Variants in LRP1B observed in about 807,000 individuals in gnomAD.
The protein encoded by LRP1B is LDL receptor related protein 1B, also known as low-density lipoprotein receptor-related protein 1B.
Under a neutral mutation model 556.6 loss-of-function variants are expected in LRP1B, and 217 were observed. The observed-to-expected ratio is 0.39, with a 90% CI of 0.35 to 0.44. The LOEUF (loss-of-function observed/expected upper bound fraction) is 0.44, where lower values mean the gene tolerates loss of function less well. Ranked by LOEUF, LRP1B falls within the 20% of genes least tolerant of loss-of-function variation. LRP1B has a pLI of 1.00. For missense variants in LRP1B, 5,053 were observed against 5,620.8 expected, an observed-to-expected ratio of 0.90 and a Z score of 3.23; for synonymous variants, 2,047 against 1,865.8, an observed-to-expected ratio of 1.10 and a Z score of -2.50.
In LRP1B at chr2:142,103,804, G is replaced by A. The variant is rs531035520; in HGVS notation, c.82+26844C>T. 3.3e-5 allele frequency among the ~76,000 whole-genome samples: 5 copies of A among 151,676 alleles called. No homozygotes were observed. The South Asian group carries it at 6.2e-4, about 19-fold the overall frequency. On this transcript the variant is annotated intron_variant, in intron 1 of 90. Transcript: ENST00000389484. ...AATAAGGACAATATGCTAAATAAAT[G>A]GCATTTCTGACCTCATACTATTGGC... is the stretch of plus-strand genomic sequence containing the variant.
At chr2:141,243,956 G>C (rs1289677297) in intron 5 of LRP1B, among the ~76,000 whole-genome samples, 1 of 152,082 alleles carries the variant, frequency 6.6e-6, no homozygotes, top group Non-Finnish European at 1.5e-5. Context: ...TTTTACTCGG[G>C]TTCAGGTATT....
At chr2:140,838,627 G>C (rs765472180) in intron 31 of LRP1B, among the ~76,000 whole-genome samples, 2 of 151,986 alleles carry the variant, frequency 1.3e-5, no homozygotes, top group Non-Finnish European at 2.9e-5. Flanking sequence ...CAAGCTTCAT[G>C]ATATATTGAT....
chr2:140,835,092 G>T (rs1319134209), intron 31 of LRP1B, among the ~76,000 whole-genome samples: 2 of 152,118 alleles, frequency 1.3e-5, no homozygotes, highest in Non-Finnish European at 2.9e-5. Flanking sequence ...AATATGCCAC[G>T]CCAAAATATA....
intron 2 of LRP1B, among the ~76,000 whole-genome samples, chr2:141,780,020 A>G (rs1322509415): frequency 1.3e-5 from 2 of 150,578 alleles, no homozygotes; most frequent in African/African-American, 4.9e-5. Context: ...CTAGAAATTA[A>G]AGATTATAAA....
chr2:140,639,744 T>C (rs1684206873), intron 41 of LRP1B, among the ~76,000 whole-genome samples: 1 of 152,138 alleles, frequency 6.6e-6, no homozygotes, highest in African/African-American at 2.4e-5. Context: ...TTCCAAATGT[T>C]ATCTAGAATA....
At chr2:141,540,248 T>C (rs1020179940) in intron 2 of LRP1B, among the ~76,000 whole-genome samples, 6 of 151,756 alleles carry the variant, frequency 4.0e-5, no homozygotes, top group African/African-American at 1.2e-4. Context: ...AAGAAGCCAA[T>C]GTGAAAATTT....
At chr2:141,450,307 A>G (rs1372595143) in intron 3 of LRP1B, among the ~76,000 whole-genome samples, 3 of 152,214 alleles carry the variant, frequency 2.0e-5, no homozygotes, top group Non-Finnish European at 4.4e-5. Context: ...GCCAAATATC[A>G]AATTCCAGTT....
At chr2:141,848,189 CA>C (rs1429813523) in intron 1 of LRP1B, among the ~76,000 whole-genome samples, 4 of 151,402 alleles carry the variant, frequency 2.6e-5, no homozygotes, top group African/African-American at 9.7e-5. Context: ...AAAAGGAACC[CA>C]AGATAAACCT....
chr2:141,755,160 TGA>T (rs1435016629), intron 2 of LRP1B, among the ~76,000 whole-genome samples: 1 of 152,140 alleles, frequency 6.6e-6, no homozygotes, highest in Non-Finnish European at 1.5e-5. Flanking sequence ...AAGAAGATTC[TGA>T]GAGTTTAATT....
chr2:140,494,570 G>T (rs1008766950), intron 56 of LRP1B, among the ~76,000 whole-genome samples: 1 of 137,692 alleles, frequency 7.3e-6, no homozygotes, highest in African/African-American at 2.8e-5. Flanking sequence ...TCGCGCCACT[G>T]CACTCCAGCC....
chr2:141,677,610 C>T (rs993414589), intron 2 of LRP1B, among the ~76,000 whole-genome samples: 2 of 152,160 alleles, frequency 1.3e-5, no homozygotes, highest in African/African-American at 2.4e-5. Flanking sequence ...CTGCCTCAGC[C>T]TCCCTAGTAG....
rs142269343 is a variant in LRP1B, at chr2:140,637,622, T to C, written c.6800-35983A>G. Among the ~76,000 whole-genome samples, 228 of 152,276 alleles carry C rather than the reference T, an allele frequency of 1.5e-3. 1 individual carries two copies. The Middle Eastern group carries it at 0.02, about 14-fold the overall frequency. ...TATATAACTCAAATTCTCTCACTGC[T>C]TGGGCAGTTTAGTGTGGAATCCGTG... On this transcript the variant is annotated intron_variant, in intron 41 of 90. Transcript: ENST00000389484.
chr2:140,697,337 T>G (rs1211901675), intron 41 of LRP1B, among the ~76,000 whole-genome samples: 1 of 152,080 alleles, frequency 6.6e-6, no homozygotes, highest in African/African-American at 2.4e-5. Flanking sequence ...ACCCTTACAG[T>G]TCATCAGACC....
intron 1 of LRP1B, among the ~76,000 whole-genome samples, chr2:142,104,670 C>CA (rs1706685561): frequency 6.6e-6 from 1 of 152,112 alleles, no homozygotes; most frequent in Non-Finnish European, 1.5e-5. Context: ...GCAGTGTAGT[C>CA]AAAACCTGTC....
chr2:141,285,394 C>G (rs1333943428), intron 3 of LRP1B, among the ~76,000 whole-genome samples: 1 of 148,888 alleles, frequency 6.7e-6, no homozygotes, highest in Non-Finnish European at 1.5e-5. Flanking sequence ...GCCTCTTTTC[C>G]TTCTTTTATT....
intron 2 of LRP1B, among the ~76,000 whole-genome samples, chr2:141,574,562 C>T (rs879172126): frequency 6.6e-6 from 1 of 152,128 alleles, no homozygotes; most frequent in Non-Finnish European, 1.5e-5. Flanking sequence ...AAGGATGCCT[C>T]TCTCACCACT....
chr2:140,498,143 A>G (rs768767020), intron 55 of LRP1B, among the ~76,000 whole-genome samples: 10 of 152,012 alleles, frequency 6.6e-5, no homozygotes, highest in Non-Finnish European at 1.5e-4. Flanking sequence ...TCTTTCACTT[A>G]AAAAAGACAA....
chr2:141,031,199 G>A (rs559863240), intron 11 of LRP1B, among the ~76,000 whole-genome samples: 2 of 150,984 alleles, frequency 1.3e-5, no homozygotes, highest in South Asian at 4.2e-4. Context: ...CATGGAGTGT[G>A]TAAAAATCAT....
At chr2:140,563,988 C>G (rs1172897944) in intron 43 of LRP1B, among the ~76,000 whole-genome samples, 2 of 152,042 alleles carry the variant, frequency 1.3e-5, no homozygotes, top group African/African-American at 2.4e-5. Context: ...GAGGGGTAGA[C>G]AGGGTAACAA....
Sources: gnomAD v4.1 joint callset for allele counts (sites outside exome capture counted in the v4.1 genomes callset) on GRCh38, gnomAD v4.1.1 for gene constraint, MANE v1.5 for transcripts, NCBI Gene and HGNC (gene_info 2026-07-23, HGNC 2026-07-21) for gene names.